Variants in CFAP54 observed in about 807,000 individuals in gnomAD.
CFAP54 encodes the protein cilia- and flagella-associated protein 54.
CFAP54 carries 290 observed loss-of-function variants against 370.4 expected under a neutral mutation model. The observed-to-expected ratio is 0.78, with a 90% CI of 0.71 to 0.86. The LOEUF (loss-of-function observed/expected upper bound fraction) is 0.86, where lower values mean the gene tolerates loss of function less well. Among genes scored for constraint, CFAP54 ranks in the 40% least tolerant of loss-of-function variants. CFAP54 has a pLI of 0.00. For missense variants in CFAP54, 3,399 were observed against 3,528.7 expected (o/e 0.96, Z 0.93); for synonymous variants, 1,206 against 1,236.5 (o/e 0.98, Z 0.52).
At chr12:96,858,137 G>A (rs1240330062) in intron 66 of CFAP54, among the ~76,000 whole-genome samples, 4 of 152,096 alleles carry the variant, frequency 2.6e-5, no homozygotes, top group Admixed American at 6.6e-5. Flanking sequence ...AGTGTATAAT[G>A]TTCCCTTTTT....
At chr12:96,584,212 C>A (rs979888309) in intron 22 of CFAP54, among the ~76,000 whole-genome samples, 1 of 151,842 alleles carries the variant, frequency 6.6e-6, no homozygotes, top group African/African-American at 2.4e-5. Flanking sequence ...GCCTGTAATC[C>A]CAGCACTTTG....
chr12:96,627,061 C>A, intron 30 of CFAP54, 122 bp downstream of exon 30: 1 of 563,728 alleles, frequency 1.8e-6, no homozygotes. Flanking sequence ...AAACCACTGC[C>A]TAAGAGATAG....
rs1592706627 is a variant in CFAP54, at chr12:96,682,769, C to T, written c.5717-1879C>T. Among the ~76,000 whole-genome samples the T allele has an allele frequency of 3.3e-5, 5 of 152,250 alleles. No individual in the cohort carries two copies. The South Asian group carries it at 1.0e-3, about 32-fold the overall frequency. Reference sequence around the variant, plus strand: ...AAAGAAAGATAAAAGAACCTATATCCCTGCAGCAGTGACAGAACAGCCTGG... The same window carrying T: ...AAAGAAAGATAAAAGAACCTATATCTCTGCAGCAGTGACAGAACAGCCTGG... On this transcript the variant is annotated intron_variant, in intron 40 of 67. Transcript: ENST00000524981.
At chr12:96,853,641 A>G (rs1959618691) in intron 66 of CFAP54, among the ~76,000 whole-genome samples, 2 of 152,178 alleles carry the variant, frequency 1.3e-5, no homozygotes, top group African/African-American at 2.4e-5. Context: ...AGAAATAACT[A>G]AAGTTTGAAG....
At chr12:96,825,667 A>G (rs1158644423) in intron 65 of CFAP54, among the ~76,000 whole-genome samples, 7 of 122,288 alleles carry the variant, frequency 5.7e-5, no homozygotes, top group African/African-American at 2.0e-4. Context: ...ATCATGCTAT[A>G]ATATATTATA....
chr12:96,616,969 A>G (rs1239686734), intron 26 of CFAP54, among the ~76,000 whole-genome samples: 3 of 152,214 alleles, frequency 2.0e-5, no homozygotes, highest in African/African-American at 2.4e-5. Flanking sequence ...CTAAACTGGT[A>G]TGGAAAAAGT....
At chr12:96,760,099 A>G (rs1226606774) in intron 58 of CFAP54, among the ~76,000 whole-genome samples, 7 of 152,202 alleles carry the variant, frequency 4.6e-5, no homozygotes, top group Admixed American at 2.0e-4. Context: ...GACAAGGACT[A>G]TAATCACAAT....
At position 96,621,729 on chromosome 12, in the gene CFAP54, T is replaced by G. The variant is rs757223869; in HGVS notation, c.3771+8T>G. On this transcript the variant is annotated splice_region_variant and intron_variant, in intron 27 of 67. Transcript: ENST00000524981. ...GAAGAAATGCCAGAGGAGGTAATTG[T>G]TTTTGTTTCTCATTTTTAAACCTAC... is the stretch of plus-strand genomic sequence containing the variant. 2.0e-6 allele frequency: 3 copies of G among 1,518,430 alleles called. No individual in the cohort carries two copies. The highest frequency in any genetic ancestry group is 2.5e-5 in the South Asian group (2 of 80,082). 94.1% of individuals were successfully genotyped at this position (1,518,430 alleles called of 1,614,324 possible). A position where few individuals can be genotyped will look rare whatever the true frequency, so the allele number is the denominator to read the frequency against.
intron 9 of CFAP54, among the ~76,000 whole-genome samples, chr12:96,528,912 T>TGAACA (rs1955411409): frequency 6.6e-6 from 1 of 152,212 alleles, no homozygotes; most frequent in African/African-American, 2.4e-5. Context: ...AAATGCATAT[T>TGAACA]AAGACATTTG....
At chr12:96,585,777 TC>T (rs1181573578) in intron 22 of CFAP54, among the ~76,000 whole-genome samples, 1 of 152,124 alleles carries the variant, frequency 6.6e-6, no homozygotes, top group Non-Finnish European at 1.5e-5. Context: ...ATCTCTCAAC[TC>T]CTATGAAGGC....
At position 96,644,344 on chromosome 12, in the gene CFAP54, C is replaced by A; in HGVS notation, c.4483C>A (p.Leu1495Met). Reference protein sequence around the residue: ...NLYLAGAHFNLVLQKLWECTK... With the variant: ...NLYLAGAHFNMVLQKLWECTK... Reference sequence around the variant, plus strand: ...GTATCTAGCAGGTGCACACTTTAACCTGGTTTTACAAAAGCTATGGGAGTG... The same window carrying A: ...GTATCTAGCAGGTGCACACTTTAACATGGTTTTACAAAAGCTATGGGAGTG... The change falls in exon 33 of 68, where the codon CTG becomes ATG. Residue 1495 changes from leucine to methionine, a missense_variant. Coordinates refer to ENST00000524981, the MANE Select transcript of CFAP54 (RefSeq NM_001306084.2). 2 of 1,535,952 alleles carry A rather than the reference C, an allele frequency of 1.3e-6. No individual in the cohort carries two copies. The highest frequency in any genetic ancestry group is 1.7e-6 in the Non-Finnish European group (2 of 1,146,822).
chr12:96,538,193 TCTC>T (rs1402344948), intron 12 of CFAP54, among the ~76,000 whole-genome samples, 188 bp from the exon 13 acceptor site: 2 of 152,136 alleles, frequency 1.3e-5, no homozygotes, highest in Non-Finnish European at 2.9e-5. Flanking sequence ...AATCACTTAA[TCTC>T]CTTGTGTTTC....
At chr12:96,689,904 G>T (rs142399332) in intron 43 of CFAP54, among the ~76,000 whole-genome samples, 245 of 152,216 alleles carry the variant, frequency 1.6e-3, no homozygotes, top group African/African-American at 5.6e-3. Flanking sequence ...CTAAATAAGT[G>T]AGTTCTTCAG....
intron 66 of CFAP54, among the ~76,000 whole-genome samples, chr12:96,860,176 C>CACAAGGCTGTAACTCATTGTGGTCATTCT (rs1449630901): frequency 1.0e-4 from 15 of 144,150 alleles, no homozygotes; most frequent in Non-Finnish European, 7.5e-5. Flanking sequence ...GATTCAGACC[C>CACAAGGCTGTAACTCATTGTGGTCATTCT]ACAAGGCTGT....
intron 60 of CFAP54, among the ~76,000 whole-genome samples, chr12:96,771,619 T>A (rs1958463369): frequency 6.6e-6 from 1 of 152,062 alleles, no homozygotes; most frequent in South Asian, 2.1e-4. Flanking sequence ...GCCACTGCAC[T>A]CCGGCCTGGG....
chr12:96,501,774 A>C (rs192308545), intron 2 of CFAP54, among the ~76,000 whole-genome samples: 107 of 152,296 alleles, frequency 7.0e-4, no homozygotes, highest in African/African-American at 2.6e-3. Flanking sequence ...AAATTTACCA[A>C]ATAGAGGATA....
Position 96,765,004 on chromosome 12 carries a change from A to C in CFAP54, c.8140-73A>C, listed in dbSNP as rs2136671832. 3 of 1,172,528 alleles carry C rather than the reference A, an allele frequency of 2.6e-6. No homozygotes were observed. In the East Asian group the frequency reaches 8.5e-5, roughly 33 times the overall value. The allele number at this position is 1,172,528 out of a possible 1,614,324, so 72.6% of individuals were successfully genotyped here. ...TATTTTATGAATTCACTTTTTTCACATTATTTACCTAATAGATAATCTATG... is the reference window on the plus strand; with the variant it reads ...TATTTTATGAATTCACTTTTTTCACCTTATTTACCTAATAGATAATCTATG... On this transcript the variant is annotated intron_variant, in intron 59 of 67. Coordinates refer to ENST00000524981, the MANE Select transcript of CFAP54 (RefSeq NM_001306084.2).
rs778666631 is a variant in CFAP54 at position 96,739,983 on chromosome 12, A to G, written c.6993A>G (p.Thr2331=). The G allele has an allele frequency of 1.9e-6, 3 of 1,594,778 alleles. No homozygotes were observed. The highest frequency in any genetic ancestry group is 1.7e-6 in the Non-Finnish European group (2 of 1,165,134). ...YSAAIVFSTL[T]LLQDSKLFEK... ...CTGCAATAGTATTTTCTACACTTAC[A>G]CTTCTCCAGGATTCAAAACTTTTTG... is the stretch of plus-strand genomic sequence containing the variant. Residue 2331 remains threonine, a synonymous_variant, in exon 51 of 68, where the codon ACA becomes ACG. Transcript: ENST00000524981.
At chr12:96,863,225 A>G (rs1565766187) in intron 67 of CFAP54, among the ~76,000 whole-genome samples, 2 of 151,978 alleles carry the variant, frequency 1.3e-5, no homozygotes, top group Non-Finnish European at 2.9e-5. Flanking sequence ...GGCACTATGG[A>G]GTTCTAAAAA....
Sources: allele counts gnomAD v4.1 joint callset (sites outside exome capture counted in the v4.1 genomes callset), GRCh38; gene constraint gnomAD v4.1.1; transcripts MANE v1.5; gene names NCBI Gene and HGNC (gene_info 2026-07-23, HGNC 2026-07-21).